SHOC1: variants seen among roughly 807,000 people sequenced by gnomAD.
SHOC1 encodes the protein shortage in chiasmata 1.
Under a neutral mutation model 179.2 loss-of-function variants are expected in SHOC1, and 136 were observed. The ratio of observed to expected loss-of-function variants is 0.76; its 90% CI spans 0.66 to 0.87. SHOC1 has a LOEUF of 0.87. Ranked by LOEUF, SHOC1 falls within the 40% of genes least tolerant of loss-of-function variation. The probability of loss-of-function intolerance (pLI) is 0.00; values close to 1 mark genes in which losing one functional copy is unlikely to be tolerated. For synonymous variants in SHOC1, 489 were observed against 586.6 expected (o/e 0.83, Z 2.41); for missense variants, 1,538 against 1,700.8 (o/e 0.90, Z 1.68).
At chr9:111,710,163 G>A (rs984388548) in intron 18 of SHOC1, among the ~76,000 whole-genome samples, 2 of 152,066 alleles carry the variant, frequency 1.3e-5, no homozygotes, top group Non-Finnish European at 2.9e-5. Flanking sequence ...CCCCATAACT[G>A]TTAACTATTG....
Position 111,697,029 on chromosome 9 carries a change from A to G in SHOC1, c.3184-2667T>C, listed in dbSNP as rs79969139. Among the ~76,000 whole-genome samples the G allele has an allele frequency of 5.6e-3, 853 of 152,286 alleles. 3 individuals are homozygous for G. The highest frequency in any genetic ancestry group is 0.031 in the Middle Eastern group (9 of 294). Reference sequence around the variant, plus strand: ...TGTGCAAAGCACTATGCTAGCTGCTAGGTTTTACAAATAAAAAGAGCATCA... The same window carrying G: ...TGTGCAAAGCACTATGCTAGCTGCTGGGTTTTACAAATAAAAAGAGCATCA... On this transcript the variant is annotated intron_variant, in intron 24 of 27. Coordinates refer to ENST00000682961, the MANE Select transcript of SHOC1 (RefSeq NM_001378211.1).
At chr9:111,749,388 C>T (rs1046966004) in intron 8 of SHOC1, among the ~76,000 whole-genome samples, 3 of 152,064 alleles carry the variant, frequency 2.0e-5, no homozygotes, top group Admixed American at 2.0e-4. Flanking sequence ...AAAGGTGATA[C>T]TTTTATAATC....
intron 12 of SHOC1, among the ~76,000 whole-genome samples, chr9:111,728,962 T>C (rs1564130482): frequency 6.6e-6 from 1 of 152,218 alleles, no homozygotes; most frequent in Non-Finnish European, 1.5e-5. Context: ...AAGTTATGTT[T>C]ATGCTATACT....
At chr9:111,722,779 T>TTA (rs1833124300) in intron 14 of SHOC1, among the ~76,000 whole-genome samples, 194 bp from the exon 15 acceptor site, 2 of 152,178 alleles carry the variant, frequency 1.3e-5, no homozygotes, top group African/African-American at 4.8e-5. Flanking sequence ...AAACATGGAA[T>TTA]TATATAATTT....
chr9:111,759,585 A>G, intron 5 of SHOC1: 1 of 1,074,606 alleles, frequency 9.3e-7, no homozygotes, highest in Non-Finnish European at 1.1e-6. Context: ...CTTGCCCCCA[A>G]TTCTTCAATA....
At position 111,718,906 on chromosome 9, in the gene SHOC1, G is replaced by A. The variant is rs528889738; in HGVS notation, c.2132-618C>T. The stretch of plus-strand genomic sequence containing the variant: ...ATATAAAAGTGAGACCAAGAAGATG[G>A]GATTCTAGACCCCCTGCCCCAATTT... On this transcript the variant is annotated intron_variant, in intron 15 of 27. Transcript: ENST00000682961. Among the ~76,000 whole-genome samples, 4 of 152,112 alleles carry A rather than the reference G, an allele frequency of 2.6e-5. No individual in the cohort carries two copies. The South Asian group carries it at 8.3e-4, about 32-fold the overall frequency.
At chr9:111,745,111 CCT>C (rs1834217003) in intron 10 of SHOC1, among the ~76,000 whole-genome samples, 2 of 152,252 alleles carry the variant, frequency 1.3e-5, no homozygotes, top group Middle Eastern at 6.8e-3. Flanking sequence ...CAGTGGCTGT[CCT>C]CTGTTAGAGA....
chr9:111,762,289 G>A (rs1370904002), intron 5 of SHOC1, among the ~76,000 whole-genome samples: 1 of 150,008 alleles, frequency 6.7e-6, no homozygotes, highest in Non-Finnish European at 1.5e-5. Flanking sequence ...AATTAGTCAG[G>A]CATGGTGGCA....
At chr9:111,687,385 C>T (rs1831225293) in intron 27 of SHOC1, among the ~76,000 whole-genome samples, 1 of 152,140 alleles carries the variant, frequency 6.6e-6, no homozygotes, top group Non-Finnish European at 1.5e-5. Flanking sequence ...GCCTCTGTAC[C>T]TAATGGCCCG....
At chr9:111,686,950 T>TTC in intron 27 of SHOC1, 80 bp from the exon 28 acceptor site, 2 of 948,860 alleles carry the variant, frequency 2.1e-6, no homozygotes, top group Non-Finnish European at 3.1e-6. Context: ...TTTTTTTTTT[T>TTC]TTTTTCTTTT....
At position 111,694,363 on chromosome 9, in the gene SHOC1, C is replaced by T; in HGVS notation, c.3184-1G>A. 6.3e-7 allele frequency: 1 copy of T among 1,594,148 alleles called. No individual in the cohort carries two copies. Among genetic ancestry groups the T allele is most frequent in the Non-Finnish European group, 8.6e-7 (1 of 1,168,830 alleles). On this transcript the variant is annotated splice_acceptor_variant, in intron 24 of 27. Transcript: ENST00000682961. LOFTEE classifies it high-confidence loss of function. Reference sequence around the variant, plus strand: ...CTTCTACTCCTGGGGCAATTATAAGCTAAAAAATATTTTTTATGTTAGATT... The same window carrying T: ...CTTCTACTCCTGGGGCAATTATAAGTTAAAAAATATTTTTTATGTTAGATT...
chr9:111,725,026 C>G (rs978425439), intron 13 of SHOC1, among the ~76,000 whole-genome samples: 3 of 152,000 alleles, frequency 2.0e-5, no homozygotes, highest in Non-Finnish European at 4.4e-5. Flanking sequence ...ACATAAAAAT[C>G]TAGTTATTTT....
rs139093188 is a variant in SHOC1 at position 111,780,088 on chromosome 9, A to G, written c.257+842T>C. ...TCCTATATTACCATTTAATTCTTGC[A>G]TTGTTAATTTTTTCTATGTTTATCT... On this transcript the variant is annotated intron_variant, in intron 4 of 27. Coordinates refer to ENST00000682961, the MANE Select transcript of SHOC1 (RefSeq NM_001378211.1). Among the ~76,000 whole-genome samples the G allele has an allele frequency of 9.0e-3, 1,368 of 152,228 alleles. 13 individuals are homozygous for G. Among genetic ancestry groups the G allele is most frequent in the South Asian group, 0.021 (102 of 4,834 alleles).
chr9:111,742,087 T>C (rs1287035878), intron 10 of SHOC1, among the ~76,000 whole-genome samples: 1 of 152,202 alleles, frequency 6.6e-6, no homozygotes, highest in Non-Finnish European at 1.5e-5. Flanking sequence ...GTTTGGTAAT[T>C]TGTAAACTCA....
chr9:111,755,806 C>A (rs753936709), intron 8 of SHOC1, among the ~76,000 whole-genome samples: 1 of 152,046 alleles, frequency 6.6e-6, no homozygotes, highest in Non-Finnish European at 1.5e-5. Context: ...ATTTCAGAGA[C>A]GTTTTAAACC....
intron 15 of SHOC1, among the ~76,000 whole-genome samples, chr9:111,721,458 G>T (rs1833047338): frequency 6.6e-6 from 1 of 152,176 alleles, no homozygotes; most frequent in African/African-American, 2.4e-5. Flanking sequence ...TCCTGCCTCA[G>T]CCTCCCAAAT....
At chr9:111,718,098 A>C in intron 16 of SHOC1, 86 bp downstream of exon 16, 2 of 865,218 alleles carry the variant, frequency 2.3e-6, no homozygotes, top group South Asian at 1.7e-5. Flanking sequence ...CATTTCTTAT[A>C]AGGTGTATCT....
intron 5 of SHOC1, chr9:111,759,388 T>G: frequency 6.8e-7 from 1 of 1,468,130 alleles, no homozygotes; most frequent in Non-Finnish European, 9.0e-7. Flanking sequence ...CAGTGAAAGT[T>G]TTAAGCAAAG....
rs772598445 is a variant in SHOC1 at position 111,722,460 on chromosome 9, T to C, written c.2080A>G (p.Arg694Gly). ...KFATVIFDQT[R>G]FLLKEQEKVV... ...TTTTCTTGTTCCTTTAAGAGAAACC[T>C]TGTTTGGTCAAAAATAACAGTGGCA... The change falls in exon 15 of 28, where the codon AGG (arginine) becomes GGG (glycine). Residue 694 changes from arginine (R) to glycine (G), a missense_variant. Coordinates refer to ENST00000682961, the MANE Select transcript of SHOC1 (RefSeq NM_001378211.1). 1.2e-6 allele frequency: 2 copies of C among 1,612,110 alleles called. No individual in the cohort carries two copies. The highest frequency in any genetic ancestry group is 8.5e-7 in the Non-Finnish European group (1 of 1,179,668).
Sources: gnomAD v4.1 joint callset for allele counts (sites outside exome capture counted in the v4.1 genomes callset) on GRCh38, gnomAD v4.1.1 for gene constraint, MANE v1.5 for transcripts, NCBI Gene and HGNC (gene_info 2026-07-23, HGNC 2026-07-21) for gene names.